The following LIMCH1 variants were observed in gnomAD, a reference collection of about 807,000 sequenced individuals.
LIMCH1 encodes LIM and calponin homology domains-containing protein 1.
In LIMCH1, 113 loss-of-function variants were observed where a neutral mutation model predicts 176.5. That is an observed-to-expected ratio of 0.64 (90% CI 0.55 to 0.75). The LOEUF is 0.75. LIMCH1 is among the 30% of genes least tolerant of loss of function. The pLI is 0.00. For missense variants in LIMCH1, 1,674 were observed against 1,814.9 expected, an observed-to-expected ratio of 0.92 and a Z score of 1.41; for synonymous variants, 619 against 645.9, an observed-to-expected ratio of 0.96 and a Z score of 0.63.
intron 1 of LIMCH1, among the ~76,000 whole-genome samples, chr4:41,435,005 A>C (rs1471866158): frequency 3.3e-5 from 5 of 152,198 alleles, no homozygotes; most frequent in Non-Finnish European, 5.9e-5. Context: ...TAATCCTTAG[A>C]GCCTCTGGCT....
At chr4:41,414,373 C>T (rs751631211) in intron 1 of LIMCH1, among the ~76,000 whole-genome samples, 1 of 152,188 alleles carries the variant, frequency 6.6e-6, no homozygotes, top group Non-Finnish European at 1.5e-5. Flanking sequence ...TTATCCCGAT[C>T]TACCCCCTTA....
At chr4:41,458,093 T>C (rs1047071875) in intron 1 of LIMCH1, among the ~76,000 whole-genome samples, 1 of 152,198 alleles carries the variant, frequency 6.6e-6, no homozygotes, top group Admixed American at 6.5e-5. Context: ...CCATTTACCC[T>C]GATGTAATTA....
intron 1 of LIMCH1, among the ~76,000 whole-genome samples, chr4:41,487,494 A>T (rs1419191918): frequency 6.6e-6 from 1 of 152,116 alleles, no homozygotes; most frequent in Non-Finnish European, 1.5e-5. Flanking sequence ...ATTTGATCAG[A>T]CTACATCTTG....
chr4:41,400,041 CTG>C (rs929037050), intron 1 of LIMCH1, among the ~76,000 whole-genome samples: 15 of 149,434 alleles, frequency 1.0e-4, no homozygotes, highest in African/African-American at 3.7e-4. Flanking sequence ...GAGGAGGAAA[CTG>C]AAGCTTAGAG....
chr4:41,406,340 A>G lies in LIMCH1; in HGVS notation c.96+45404A>G, dbSNP rs74878048. On this transcript the variant is annotated intron_variant, in intron 1 of 26. Transcript: ENST00000313860. ...GTAGCTCTTTTAGTTGATTGCTTTCATTTTTCTTTGGGAAATTATCTAGAA... is the reference window on the plus strand; with the variant it reads ...GTAGCTCTTTTAGTTGATTGCTTTCGTTTTTCTTTGGGAAATTATCTAGAA... 2.1e-3 allele frequency among the ~76,000 whole-genome samples: 312 copies of G among 152,170 alleles called. 1 individual carries two copies. The highest frequency in any genetic ancestry group is 7.3e-3 in the African/African-American group (302 of 41,514).
At chr4:41,448,457 A>G (rs758411971) in intron 1 of LIMCH1, among the ~76,000 whole-genome samples, 12 of 152,214 alleles carry the variant, frequency 7.9e-5, no homozygotes, top group Non-Finnish European at 1.6e-4. Context: ...GATATTTATC[A>G]CAGTGCTCTC....
At chr4:41,494,566 G>A (rs1182010024) in exon 2 of LIMCH1, 3 of 1,613,172 alleles carry the variant, frequency 1.9e-6, no homozygotes, top group Non-Finnish European at 1.7e-6. Flanking sequence ...TGGTGATAAA[G>A]ATTTTCGGAC....
upstream of LIMCH1, among the ~76,000 whole-genome samples, chr4:41,536,012 A>G (rs760382894): frequency 5.9e-5 from 9 of 152,142 alleles, no homozygotes; most frequent in Non-Finnish European, 1.2e-4. Context: ...TCAGTTCCTC[A>G]CTTTTTTCCC....
chr4:41,566,864 C>T (rs2082849327), intron 1 of LIMCH1, among the ~76,000 whole-genome samples: 1 of 152,144 alleles, frequency 6.6e-6, no homozygotes, highest in Non-Finnish European at 1.5e-5. Context: ...TGAAATGCAT[C>T]AGAAATTGAC....
intron 2 of LIMCH1, among the ~76,000 whole-genome samples, chr4:41,496,863 C>G (rs1340799262): frequency 6.6e-6 from 1 of 152,168 alleles, no homozygotes; most frequent in Non-Finnish European, 1.5e-5. Context: ...GTGTCAAACA[C>G]CTGTCTTTGG....
At chr4:41,443,185 T>G (rs1220356911) in intron 1 of LIMCH1, among the ~76,000 whole-genome samples, 3 of 48,342 alleles carry the variant, frequency 6.2e-5, no homozygotes, top group Non-Finnish European at 9.8e-5. Context: ...TATTGGATGT[T>G]TTTTTTCTTT....
chr4:41,414,426 C>CTA (rs2059748111), intron 1 of LIMCH1, among the ~76,000 whole-genome samples: 1 of 152,196 alleles, frequency 6.6e-6, no homozygotes, highest in South Asian at 2.1e-4. Flanking sequence ...ATGAAATATA[C>CTA]TTATAAGCCT....
intron 1 of LIMCH1, among the ~76,000 whole-genome samples, chr4:41,434,633 C>T (rs1261434852): frequency 2.6e-5 from 4 of 152,212 alleles, no homozygotes; most frequent in African/African-American, 7.2e-5. Flanking sequence ...TCTCCTGCCT[C>T]AGCCTCCTGA....
intron 1 of LIMCH1, among the ~76,000 whole-genome samples, chr4:41,442,215 A>G (rs2062775688): frequency 6.6e-6 from 1 of 152,106 alleles, no homozygotes; most frequent in South Asian, 2.1e-4. Flanking sequence ...CGAGAGGATC[A>G]CTTGAGCCTG....
At chr4:41,423,130 C>T (rs1335601595) in intron 1 of LIMCH1, among the ~76,000 whole-genome samples, 3 of 152,168 alleles carry the variant, frequency 2.0e-5, no homozygotes, top group Non-Finnish European at 2.9e-5. Flanking sequence ...TCTGAGGGGA[C>T]TACTGTGAAG....
intron 31 of LIMCH1, chr4:41,692,611 C>A: frequency 2.3e-6 from 1 of 435,548 alleles, no homozygotes; most frequent in Non-Finnish European, 4.2e-6. Context: ...TGCATCAGCA[C>A]ACCAGCAGGT....
chr4:41,539,875 A>T (rs925040968), intron 1 of LIMCH1, among the ~76,000 whole-genome samples: 3 of 152,256 alleles, frequency 2.0e-5, no homozygotes, highest in Admixed American at 2.0e-4. Flanking sequence ...TGTTGACTAG[A>T]CAGGAACAGT....
At position 41,646,145 on chromosome 4, in the gene LIMCH1, G is replaced by A. The variant is rs751931774; in HGVS notation, c.2276G>A (p.Arg759His). Residue 759 changes from arginine to histidine, a missense_variant, in exon 16 of 32, where the codon CGT becomes CAT. This residue lies in a region of LIMCH1 where 1,015 missense variants were observed against 1,102.5 expected (regional missense o/e 0.92). Coordinates refer to ENST00000503057, the MANE Select transcript of LIMCH1 (RefSeq NM_001330672.2). ...WQDDLARWKSRRRSVSQDLIK... is the reference protein window; with the variant it reads ...WQDDLARWKSHRRSVSQDLIK... ...CAGGACCTGGCTCGTTGGAAGAGTC[G>A]TAGAAGAAGTGTTTCTCAGGACTTA... The A allele has an allele frequency of 1.1e-5, 17 of 1,612,500 alleles. No homozygotes were observed. The highest frequency in any genetic ancestry group is 1.3e-5 in the African/African-American group (1 of 74,826).
intron 3 of LIMCH1, among the ~76,000 whole-genome samples, chr4:41,529,003 G>T (rs751714086): frequency 1.3e-5 from 2 of 152,210 alleles, no homozygotes; most frequent in Non-Finnish European, 2.9e-5. Context: ...ATATGAAGCC[G>T]TGTGGTGACT....
Sources: allele counts gnomAD v4.1 joint callset (sites outside exome capture counted in the v4.1 genomes callset), GRCh38; gene constraint gnomAD v4.1.1; regional missense constraint gnomAD v4.1.1; transcripts MANE v1.5; gene names NCBI Gene and HGNC (gene_info 2026-07-23, HGNC 2026-07-21).